HECTD3: variants seen among roughly 807,000 people sequenced by gnomAD.
The protein encoded by HECTD3 is E3 ubiquitin-protein ligase HECTD3.
Under a neutral mutation model 109.3 loss-of-function variants are expected in HECTD3, and 72 were observed. The observed-to-expected ratio is 0.66, with a 90% CI of 0.54 to 0.80. HECTD3 has a LOEUF of 0.80. Among genes scored for constraint, HECTD3 ranks in the 30% least tolerant of loss-of-function variants. HECTD3 has a pLI of 0.00. For missense variants in HECTD3, 1,041 were observed against 1,165.2 expected (o/e 0.89, Z 1.55); for synonymous variants, 481 against 471.8 (o/e 1.02, Z -0.25).
chr1:45,004,911 T>G (rs1321978859), intron 15 of HECTD3, 105 bp from the exon 16 acceptor site: 7 of 981,336 alleles, frequency 7.1e-6, no homozygotes, highest in African/African-American at 4.8e-5. Flanking sequence ...GGCAAGGCAG[T>G]CCCCATGGAG....
At position 45,007,032 on chromosome 1, in the gene HECTD3, C is replaced by A; in HGVS notation, c.1557-17G>T. The A allele has an allele frequency of 6.2e-7, 1 of 1,613,964 alleles. No individual in the cohort carries two copies. Among genetic ancestry groups the A allele is most frequent in the African/African-American group, 1.3e-5 (1 of 74,994 alleles). On this transcript the variant is annotated splice_polypyrimidine_tract_variant and intron_variant, in intron 11 of 20. Transcript: ENST00000372172. ...ATGGGCCACCTGCAAAAAACGTGGG[C>A]AGATTTGTCATTATGTGGGGCCAGG...
Position 45,006,214 on chromosome 1 carries a change from C to T in HECTD3, c.1726-98G>A. On this transcript the variant is annotated intron_variant, in intron 13 of 20. Transcript: ENST00000372172. The surrounding 1 kb of genome is among the most constrained non-coding windows in gnomAD (Gnocchi z 4.7). ...CATTTTCCACTGGGAACATTTTCCACTAAATGATCCCTTCAAATGCACAGT... is the reference window on the plus strand; with the variant it reads ...CATTTTCCACTGGGAACATTTTCCATTAAATGATCCCTTCAAATGCACAGT... 6.7e-7 allele frequency: 1 copy of T among 1,484,120 alleles called. No homozygotes were observed. Among genetic ancestry groups the T allele is most frequent in the Non-Finnish European group, 9.2e-7 (1 of 1,082,580 alleles). The allele number at this position is 1,484,120 out of a possible 1,614,324, so 91.9% of individuals were successfully genotyped here.
chr1:45,007,357 T>C, intron 10 of HECTD3, 56 bp downstream of exon 10: 1 of 1,606,388 alleles, frequency 6.2e-7, no homozygotes, highest in Non-Finnish European at 8.5e-7. Flanking sequence ...CCTCTTGGCC[T>C]AGCCCCCTTG....
chr1:45,008,293 G>A lies in HECTD3; in HGVS notation c.1267C>T (p.His423Tyr), dbSNP rs765819779. 2.5e-6 allele frequency: 4 copies of A among 1,613,986 alleles called. No homozygotes were observed. The highest frequency in any genetic ancestry group is 3.4e-6 in the Non-Finnish European group (4 of 1,179,982). The change falls in exon 9 of 21, where the codon CAC becomes TAC. Residue 423 changes from histidine to tyrosine, a missense_variant. By Grantham distance (83) the His-to-Tyr change is moderately conservative. Transcript: ENST00000372172. ...RFIKILDSVL[H>Y]HLVPAWDHTL... ...TGGTCCCAGGCAGGTACCAGGTGGTGCAGGACACTATCGAGGATCTTGATG... is the reference window on the plus strand; with the variant it reads ...TGGTCCCAGGCAGGTACCAGGTGGTACAGGACACTATCGAGGATCTTGATG...
At chr1:45,005,223 A>G (rs1283162351) in intron 15 of HECTD3, 2 of 271,520 alleles carry the variant, frequency 7.4e-6, no homozygotes, top group South Asian at 4.6e-5. Flanking sequence ...CGAGCCATCA[A>G]TGAGTTTAAA....
Position 45,003,523 on chromosome 1 carries a change from A to T in HECTD3, c.2555T>A (p.Ile852Asn). ...LRYAAYNCVAIDTDMSPWEE is the reference protein window; with the variant it reads ...LRYAAYNCVANDTDMSPWEE ...CTCCCAAGGGCTCATGTCAGTGTCG[A>T]TGGCCACGCAGTTGTAGGCCGCATA... The change falls in exon 21 of 21, where the codon ATC (isoleucine) becomes AAC (asparagine). Residue 852 changes from isoleucine (I) to asparagine (N), a missense_variant. Transcript: ENST00000372172. The surrounding 1 kb of genome is among the most constrained non-coding windows in gnomAD (Gnocchi z 4.7). 1 of 1,614,178 alleles carries T rather than the reference A, an allele frequency of 6.2e-7. No homozygotes were observed. Among genetic ancestry groups the T allele is most frequent in the Non-Finnish European group, 8.5e-7 (1 of 1,180,020 alleles).
At position 45,003,718 on chromosome 1, in the gene HECTD3, G is replaced by A; in HGVS notation, c.2452C>T (p.Pro818Ser). Reference sequence around the variant, plus strand: ...GTGCTGGAGCAAGTGGAAGACTCGGGCAGCGCGTCTGTGGTCTCGTAGCTG... The same window carrying A: ...GTGCTGGAGCAAGTGGAAGACTCGGACAGCGCGTCTGTGGTCTCGTAGCTG... ...KLGYETTDAL[P>S]ESSTCSSTLF... is the part of the protein sequence containing the mutation. Residue 818 changes from proline (P) to serine (S), a missense_variant, in exon 20 of 21, where the codon CCC becomes TCC. By Grantham distance (74) the Pro-to-Ser change is moderately conservative. Around this residue, in one of 2 missense-constraint regions of HECTD3, gnomAD observed 569 missense variants for 715.3 expected, o/e 0.80. Transcript: ENST00000372172. The surrounding 1 kb of genome is among the most constrained non-coding windows in gnomAD (Gnocchi z 4.7). 1 of 1,614,102 alleles carries A rather than the reference G, an allele frequency of 6.2e-7. No homozygotes were observed. Among genetic ancestry groups the A allele is most frequent in the Non-Finnish European group, 8.5e-7 (1 of 1,180,004 alleles).
At position 45,009,568 on chromosome 1, in the gene HECTD3, T is replaced by G; in HGVS notation, c.875A>C (p.Lys292Thr). The change falls in exon 5 of 21, where the codon AAG becomes ACG. Residue 292 changes from lysine to threonine, a missense_variant and splice_region_variant. Around this residue, in one of 2 missense-constraint regions of HECTD3, gnomAD observed 472 missense variants for 449.9 expected, o/e 1.05. Transcript: ENST00000372172. The stretch of plus-strand genomic sequence containing the variant: ...CCTGTCCTGCCCAGAGCCTACTTAC[T>G]TGACAATGGTGCCCTTCTTCATAGT... Reference protein sequence around the residue: ...RLTMKKGTIVKKLLLTVDTTD... With the variant: ...RLTMKKGTIVTKLLLTVDTTD... 3.7e-6 allele frequency: 6 copies of G among 1,612,782 alleles called. No homozygotes were observed. Among genetic ancestry groups the G allele is most frequent in the Non-Finnish European group, 5.1e-6 (6 of 1,178,880 alleles).
rs772574384 is a variant in HECTD3, at chr1:45,003,669, CT to C, written c.2500del (p.Ser834ValfsTer23). On this transcript the variant is annotated frameshift_variant and splice_region_variant, in exon 20 of 21. Transcript: ENST00000372172. LOFTEE classifies it high-confidence loss of function. The surrounding 1 kb of genome is among the most constrained non-coding windows in gnomAD (Gnocchi z 4.7). ...AAATCGAGCCTAGGAAAAAACCCAC[CT>C]GGCATAGTGTGGCAGGAAGAGGGTG... ...SSTLFLPHYA[S>X]AKVCEEKLRY... 1 of 1,614,178 alleles carries C rather than the reference CT, an allele frequency of 6.2e-7. No individual in the cohort carries two copies. Among genetic ancestry groups the C allele is most frequent in the Non-Finnish European group, 8.5e-7 (1 of 1,180,026 alleles).
rs1375874469 is a variant in HECTD3, at chr1:45,006,591, T to G, written c.1725+101A>C. On this transcript the variant is annotated intron_variant, in intron 13 of 20. Transcript: ENST00000372172. The surrounding 1 kb of genome is among the most constrained non-coding windows in gnomAD (Gnocchi z 4.7). ...TGCTGGGATTACAGGCGTGAGCCAC[T>G]GTGCCTGCCCCCTTTCTAGCTCAAT... is the stretch of plus-strand genomic sequence containing the variant. 6.1e-6 allele frequency: 6 copies of G among 990,512 alleles called. No homozygotes were observed. The Admixed American group carries it at 7.4e-5, about 12-fold the overall frequency. 61.4% of individuals were successfully genotyped at this position (990,512 alleles called of 1,614,324 possible).
chr1:45,010,552 A>ACCGG lies in HECTD3; in HGVS notation c.520_523dup (p.Val175AlafsTer55). ...GCTCCTTCAAGTGCAGTACCTGAGC[A>ACCGG]CCGGCCGATAATCCACGCCAAAGAG... is the stretch of plus-strand genomic sequence containing the variant. On this transcript the variant is annotated frameshift_variant, in exon 2 of 21. Transcript: ENST00000372172. LOFTEE classifies it high-confidence loss of function. 3 of 1,613,472 alleles carry ACCGG rather than the reference A, an allele frequency of 1.9e-6. No homozygotes were observed. Among genetic ancestry groups the ACCGG allele is most frequent in the Non-Finnish European group, 1.7e-6 (2 of 1,179,962 alleles).
Position 45,010,134 on chromosome 1 carries a change from A to G in HECTD3, c.624-13T>C. On this transcript the variant is annotated splice_polypyrimidine_tract_variant and intron_variant, in intron 3 of 20. Transcript: ENST00000372172. The stretch of plus-strand genomic sequence containing the variant: ...CGGGGGTACATAGCTAAGCAACCCC[A>G]AGCCCCTAATTAGACTGGGCCCAGA... The G allele has an allele frequency of 1.9e-6, 3 of 1,613,014 alleles. No individual in the cohort carries two copies. The highest frequency in any genetic ancestry group is 2.5e-6 in the Non-Finnish European group (3 of 1,179,154).
rs776470528 is a variant in HECTD3, at chr1:45,004,132, G to A, written c.2275C>T (p.Arg759Trp). 2.4e-5 allele frequency: 38 copies of A among 1,613,966 alleles called. No individual in the cohort carries two copies. The highest frequency in any genetic ancestry group is 6.7e-5 in the African/African-American group (5 of 74,904). Residue 759 changes from arginine to tryptophan, a missense_variant and splice_region_variant, in exon 18 of 21, where the codon CGG becomes TGG. Transcript: ENST00000372172. ...TCAGATGGCTCGAAGTCCTCAAACC[G>A]GGCTGGTGGAGACAAGGCCAGCATT... Reference protein sequence around the residue: ...VTVDALRKLTRFEDFEPSDSR... With the variant: ...VTVDALRKLTWFEDFEPSDSR...
In HECTD3 at chr1:45,005,985, A is replaced by G; in HGVS notation, c.1845+12T>C. ...GGGCTGATCGGACGGGGGTGTGGAT[A>G]AGGCTACTCACCAGGAACTCCTTAC... On this transcript the variant is annotated intron_variant, in intron 14 of 20. Transcript: ENST00000372172. 4.3e-6 allele frequency: 7 copies of G among 1,613,428 alleles called. No homozygotes were observed. Among genetic ancestry groups the G allele is most frequent in the Non-Finnish European group, 5.9e-6 (7 of 1,179,562 alleles).
Position 45,008,614 on chromosome 1 carries a change from G to A in HECTD3, c.1160C>T (p.Pro387Leu), listed in dbSNP as rs1446548890. The A allele has an allele frequency of 4.3e-6, 7 of 1,613,806 alleles. No homozygotes were observed. Among genetic ancestry groups the A allele is most frequent in the South Asian group, 1.1e-5 (1 of 91,078 alleles). ...ELGLNADLFQ[P>L]TSLVRYPRLE... is the part of the protein sequence containing the mutation. The stretch of plus-strand genomic sequence containing the variant: ...GCGTGGATATCGCACCAGACTAGTT[G>A]GCTGGAACAGGTCTGCATTCAACCC... The change falls in exon 8 of 21, where the codon CCA becomes CTA. Residue 387 changes from proline (P) to leucine (L), a missense_variant. Pro to Leu is a moderately conservative substitution (Grantham distance 98, BLOSUM62 -3). Around this residue, in one of 2 missense-constraint regions of HECTD3, gnomAD observed 569 missense variants for 715.3 expected, o/e 0.80. Transcript: ENST00000372172.
rs1644791172 is a variant in HECTD3 at position 45,011,252 on chromosome 1, C to T, written c.6G>A (p.Ala2=). Residue 2 remains alanine, a synonymous_variant, in exon 1 of 21, where the codon GCG becomes GCA. Transcript: ENST00000372172. ...CCAGCACCGCGCCCGGGCCAGGACC[C>T]GCCATGGCGAAGTGGCGGAGGTGAG... The part of the protein sequence containing the change: M[A]GPGPGAVLES... 1.5e-6 allele frequency: 2 copies of T among 1,353,618 alleles called. No homozygotes were observed. The highest frequency in any genetic ancestry group is 6.2e-5 in the East Asian group (2 of 32,394). 83.9% of individuals were successfully genotyped at this position (1,353,618 alleles called of 1,614,324 possible). A position where few individuals can be genotyped will look rare whatever the true frequency, so the allele number is the denominator to read the frequency against.
chr1:45,007,018 G>C lies in HECTD3; in HGVS notation c.1557-3C>G. On this transcript the variant is annotated splice_region_variant and splice_polypyrimidine_tract_variant and intron_variant, in intron 11 of 20. Transcript: ENST00000372172. Reference sequence around the variant, plus strand: ...ACTGGTCATAGCGCATGGGCCACCTGCAAAAAACGTGGGCAGATTTGTCAT... The same window carrying C: ...ACTGGTCATAGCGCATGGGCCACCTCCAAAAAACGTGGGCAGATTTGTCAT... 6.2e-7 allele frequency: 1 copy of C among 1,613,982 alleles called. No homozygotes were observed. Among genetic ancestry groups the C allele is most frequent in the Non-Finnish European group, 8.5e-7 (1 of 1,179,978 alleles).
chr1:45,006,740 T>A lies in HECTD3; in HGVS notation c.1677A>T (p.Ser559=). ...ADMSEELCPS[S]ADTPVPLPFF... Reference sequence around the variant, plus strand: ...AGGGCAGGGGCACGGGGGTATCCGCTGAGCTAGGGCACAGCTCTTCTGACA... The same window carrying A: ...AGGGCAGGGGCACGGGGGTATCCGCAGAGCTAGGGCACAGCTCTTCTGACA... The change falls in exon 13 of 21, where the codon TCA becomes TCT. Residue 559 remains serine (S), a synonymous_variant. Coordinates refer to ENST00000372172, the MANE Select transcript of HECTD3 (RefSeq NM_024602.6). The surrounding 1 kb of genome is among the most constrained non-coding windows in gnomAD (Gnocchi z 4.7). 5.0e-6 allele frequency: 8 copies of A among 1,613,766 alleles called. No homozygotes were observed. Among genetic ancestry groups the A allele is most frequent in the Non-Finnish European group, 6.8e-6 (8 of 1,179,872 alleles).
At position 45,003,698 on chromosome 1, in the gene HECTD3, G is replaced by A; in HGVS notation, c.2472C>T (p.Ser824=). 1 of 1,614,116 alleles carries A rather than the reference G, an allele frequency of 6.2e-7. No homozygotes were observed. Among genetic ancestry groups the A allele is most frequent in the South Asian group, 1.1e-5 (1 of 91,082 alleles). Residue 824 remains serine, a synonymous_variant, in exon 20 of 21, where the codon TCC becomes TCT. Coordinates refer to ENST00000372172, the MANE Select transcript of HECTD3 (RefSeq NM_024602.6). The surrounding 1 kb of genome is among the most constrained non-coding windows in gnomAD (Gnocchi z 4.7). ...CATAGTGTGGCAGGAAGAGGGTGCT[G>A]GAGCAAGTGGAAGACTCGGGCAGCG... ...TDALPESSTC[S]STLFLPHYAS...
Sources: allele counts gnomAD v4.1 joint callset, GRCh38; gene constraint gnomAD v4.1.1; regional missense constraint gnomAD v4.1.1; non-coding constraint Gnocchi (gnomAD v3.1); transcripts MANE v1.5; gene names NCBI Gene and HGNC (gene_info 2026-07-23, HGNC 2026-07-21).